The following LRRTM4 variants were observed in gnomAD, a reference collection of about 807,000 sequenced individuals.
LRRTM4 encodes the protein leucine rich repeat transmembrane neuronal 4, also known as leucine-rich repeat transmembrane neuronal protein 4.
A neutral mutation model predicts 47.6 loss-of-function variants in LRRTM4; 25 were observed. The observed-to-expected ratio is 0.53, with a 90% confidence interval of 0.38 to 0.73. LRRTM4 has a LOEUF of 0.73. Among genes scored for constraint, LRRTM4 ranks in the 30% least tolerant of loss-of-function variants. The pLI is 0.00. For synonymous variants in LRRTM4, 311 were observed against 269.5 expected (o/e 1.15, Z -1.51); for missense variants, 638 against 713.4 (o/e 0.89, Z 1.20).
At chr2:77,057,351 TATC>T (rs2103789820) in intron 3 of LRRTM4, among the ~76,000 whole-genome samples, 1 of 152,308 alleles carries the variant, frequency 6.6e-6, no homozygotes, top group Non-Finnish European at 1.5e-5. Flanking sequence ...AATAGGTACT[TATC>T]ATTGAAAGCA....
intron 3 of LRRTM4, among the ~76,000 whole-genome samples, chr2:77,473,531 G>A (rs996693593): frequency 6.6e-6 from 1 of 152,048 alleles, no homozygotes; most frequent in Non-Finnish European, 1.5e-5. Flanking sequence ...TGGTGCACAA[G>A]TAAAATCAAA....
At chr2:76,900,817 T>C (rs1381628932) in intron 3 of LRRTM4, among the ~76,000 whole-genome samples, 1 of 152,170 alleles carries the variant, frequency 6.6e-6, no homozygotes, top group Non-Finnish European at 1.5e-5. Flanking sequence ...GTTCACAATA[T>C]GCTAAGTAAA....
intron 3 of LRRTM4, among the ~76,000 whole-genome samples, chr2:77,091,387 A>G (rs1357991526): frequency 6.9e-6 from 1 of 145,818 alleles, no homozygotes; most frequent in East Asian, 2.1e-4. Context: ...CACTTTAAAA[A>G]GATTAAAGCC....
intron 3 of LRRTM4, among the ~76,000 whole-genome samples, chr2:77,132,465 G>A (rs1199005146): frequency 6.6e-6 from 1 of 152,102 alleles, no homozygotes; most frequent in South Asian, 2.1e-4. Flanking sequence ...GGTAGTGCAG[G>A]TATCAAAATT....
At chr2:77,453,635 C>T (rs1234558974) in intron 3 of LRRTM4, among the ~76,000 whole-genome samples, 2 of 152,022 alleles carry the variant, frequency 1.3e-5, no homozygotes, top group Non-Finnish European at 2.9e-5. Flanking sequence ...TTCTGCTTTT[C>T]TTGATATAAT....
In LRRTM4 at chr2:77,089,490, G is replaced by T. The variant is rs1303032783; in HGVS notation, c.1552-340574C>A. Among the ~76,000 whole-genome samples, 203 of 149,724 alleles carry T rather than the reference G, an allele frequency of 1.4e-3. 1 individual carries two copies. Among genetic ancestry groups the T allele is most frequent in the African/African-American group, 4.6e-3 (188 of 40,558 alleles). On this transcript the variant is annotated intron_variant, in intron 3 of 3. Coordinates refer to ENST00000409884, the MANE Select transcript of LRRTM4 (RefSeq NM_001134745.3). ...TTCCGTGCCCCGACCTCTTATTTCT[G>T]CGCCCCATCCCTTATTTCCATGCCC...
intron 3 of LRRTM4, among the ~76,000 whole-genome samples, chr2:76,912,472 C>A (rs1674103897): frequency 6.6e-6 from 1 of 152,120 alleles, no homozygotes; most frequent in Admixed American, 6.6e-5. Flanking sequence ...TAATTACTTT[C>A]TTAGAATAAA....
At chr2:77,497,308 G>T (rs559921661) in intron 3 of LRRTM4, among the ~76,000 whole-genome samples, 17 of 150,010 alleles carry the variant, frequency 1.1e-4, no homozygotes, top group African/African-American at 4.1e-4. Context: ...GATTTCAACT[G>T]TGAATTTTAT....
intron 3 of LRRTM4, among the ~76,000 whole-genome samples, chr2:76,873,515 T>TATATAC (rs1672694701): frequency 2.1e-5 from 3 of 145,594 alleles, no homozygotes; most frequent in Admixed American, 1.4e-4. Flanking sequence ...TGTATATATA[T>TATATAC]ATATATATAT....
At chr2:76,779,893 C>T (rs1674262884) in intron 3 of LRRTM4, among the ~76,000 whole-genome samples, 1 of 151,934 alleles carries the variant, frequency 6.6e-6, no homozygotes, top group Non-Finnish European at 1.5e-5. Context: ...TTTGCAGCGG[C>T]TGGTACCGGT....
In LRRTM4 at chr2:77,210,717, G is replaced by A. The variant is rs1674268680; in HGVS notation, c.1551+307601C>T. On this transcript the variant is annotated intron_variant, in intron 3 of 3. Coordinates refer to ENST00000409884, the MANE Select transcript of LRRTM4 (RefSeq NM_001134745.3). ...CTGCGTTTTCAGGGTCTGGTGATGT[G>A]TTTGAAGTTACCAAAGAAATTGAGA... Among the ~76,000 whole-genome samples the A allele has an allele frequency of 2.0e-5, 3 of 152,148 alleles. 1 individual carries two copies. Among genetic ancestry groups the A allele is most frequent in the Middle Eastern group, 6.3e-3 (2 of 316 alleles).
intron 3 of LRRTM4, among the ~76,000 whole-genome samples, chr2:77,336,738 G>T (rs1671182007): frequency 6.6e-6 from 1 of 152,074 alleles, no homozygotes; most frequent in African/African-American, 2.4e-5. Flanking sequence ...AGCTATCAAT[G>T]ACAAACCCAC....
At chr2:77,272,113 G>C (rs76159044) in intron 3 of LRRTM4, among the ~76,000 whole-genome samples, 2 of 151,942 alleles carry the variant, frequency 1.3e-5, no homozygotes, top group Admixed American at 6.6e-5. Context: ...TTTCTTCTCA[G>C]TGAGCATTAT....
intron 3 of LRRTM4, among the ~76,000 whole-genome samples, chr2:76,926,840 G>T (rs61145558): frequency 0.018 from 2,767 of 152,108 alleles, 74 homozygotes; most frequent in East Asian, 0.083. Context: ...AGCACAAAAC[G>T]AACTAAGACT....
chr2:76,797,537 C>A (rs1315010977), intron 3 of LRRTM4, among the ~76,000 whole-genome samples: 1 of 151,894 alleles, frequency 6.6e-6, no homozygotes, highest in Non-Finnish European at 1.5e-5. Flanking sequence ...ACCATCGAGA[C>A]TAGGAAGAAA....
At chr2:76,977,569 G>C (rs959882109) in intron 3 of LRRTM4, among the ~76,000 whole-genome samples, 20 of 151,736 alleles carry the variant, frequency 1.3e-4, no homozygotes, top group Admixed American at 1.2e-3. Context: ...GGTATCTAAA[G>C]TTACCTCTCA....
chr2:76,935,055 G>C (rs1674896619), intron 3 of LRRTM4, among the ~76,000 whole-genome samples: 1 of 151,646 alleles, frequency 6.6e-6, no homozygotes. Flanking sequence ...TCACCAAAAA[G>C]AGAAAAGAAT....
chr2:77,415,194 T>A (rs1674592248), intron 3 of LRRTM4, among the ~76,000 whole-genome samples: 1 of 152,216 alleles, frequency 6.6e-6, no homozygotes. Context: ...TCTGAAGGAA[T>A]ATTTTTGGGA....
intron 3 of LRRTM4, among the ~76,000 whole-genome samples, chr2:77,076,628 T>C (rs1680345963): frequency 6.6e-6 from 1 of 152,194 alleles, no homozygotes; most frequent in African/African-American, 2.4e-5. Flanking sequence ...TGAAGCATGG[T>C]TAATGTCACT....
Sources: gnomAD v4.1 joint callset for allele counts (sites outside exome capture counted in the v4.1 genomes callset) on GRCh38, gnomAD v4.1.1 for gene constraint, MANE v1.5 for transcripts, NCBI Gene and HGNC (gene_info 2026-07-23, HGNC 2026-07-21) for gene names.